The following NCAM2 variants were observed in gnomAD, a reference collection of about 807,000 sequenced individuals.
The protein encoded by NCAM2 is N-CAM-2.
NCAM2 carries 30 observed loss-of-function variants against 98.1 expected under a neutral mutation model. The observed-to-expected ratio is 0.31, with a 90% CI of 0.23 to 0.41. NCAM2 has a LOEUF of 0.41. Ranked by LOEUF, NCAM2 falls within the 10% of genes least tolerant of loss-of-function variation. The pLI is 1.00. For synonymous variants in NCAM2, 368 were observed against 342.4 expected, an observed-to-expected ratio of 1.07 and a Z score of -0.83; for missense variants, 867 against 1,005.8, an observed-to-expected ratio of 0.86 and a Z score of 1.87.
At chr21:21,480,400 C>T (rs1250774982) in intron 15 of NCAM2, among the ~76,000 whole-genome samples, 1 of 141,484 alleles carries the variant, frequency 7.1e-6, no homozygotes, top group East Asian at 2.0e-4. Context: ...ATAACTGCAA[C>T]TAAGAGAGAT....
intron 1 of NCAM2, among the ~76,000 whole-genome samples, chr21:21,250,438 C>A (rs1246308511): frequency 6.6e-6 from 1 of 152,124 alleles, no homozygotes; most frequent in Non-Finnish European, 1.5e-5. Context: ...ATGGACAGAG[C>A]ATTTCGAGGA....
At chr21:21,037,076 G>T (rs910700621) in intron 1 of NCAM2, among the ~76,000 whole-genome samples, 5 of 152,046 alleles carry the variant, frequency 3.3e-5, no homozygotes, top group Non-Finnish European at 5.9e-5. Context: ...TGTCACCTAG[G>T]CTGGAGTGCA....
rs372256118 is a variant in NCAM2 at position 21,116,088 on chromosome 21, A to G, written c.55+117470A>G. 3.3e-4 allele frequency among the ~76,000 whole-genome samples: 50 copies of G among 152,070 alleles called. No homozygotes were observed. The South Asian group carries it at 0.01, about 31-fold the overall frequency. ...TTTTTCTAAGTCACCTTGTTTGCAC[A>G]TAGATGTACAGTTCCAGACATCATA... is the stretch of plus-strand genomic sequence containing the variant. On this transcript the variant is annotated intron_variant, in intron 1 of 17. Transcript: ENST00000400546.
intron 8 of NCAM2, among the ~76,000 whole-genome samples, chr21:21,348,333 A>C (rs2075243825): frequency 6.6e-6 from 1 of 152,100 alleles, no homozygotes; most frequent in Non-Finnish European, 1.5e-5. Flanking sequence ...TGTGAAAAAT[A>C]AAAAATATCC....
chr21:21,459,856 G>T (rs1225342679), intron 12 of NCAM2, among the ~76,000 whole-genome samples: 2 of 151,650 alleles, frequency 1.3e-5, no homozygotes, highest in Non-Finnish European at 2.9e-5. Flanking sequence ...GATACATATG[G>T]ATATGTGCTA....
intron 1 of NCAM2, among the ~76,000 whole-genome samples, chr21:21,233,342 A>T (rs2070701405): frequency 6.6e-6 from 1 of 151,576 alleles, no homozygotes; most frequent in Non-Finnish European, 1.5e-5. Context: ...CATTTTTCTC[A>T]GTTTATGTCA....
intron 1 of NCAM2, among the ~76,000 whole-genome samples, chr21:21,005,718 T>C (rs2064098537): frequency 6.6e-6 from 1 of 152,028 alleles, no homozygotes; most frequent in Non-Finnish European, 1.5e-5. Flanking sequence ...ATATTCTTCA[T>C]TTAAGTCAGC....
At chr21:21,216,574 G>A (rs572190293) in intron 1 of NCAM2, among the ~76,000 whole-genome samples, 3 of 152,306 alleles carry the variant, frequency 2.0e-5, no homozygotes, top group Admixed American at 1.3e-4. Flanking sequence ...TGCCCCAGTA[G>A]CATTACTGTG....
At chr21:21,267,856 A>C (rs2072345985) in intron 1 of NCAM2, among the ~76,000 whole-genome samples, 1 of 152,170 alleles carries the variant, frequency 6.6e-6, no homozygotes, top group Admixed American at 6.6e-5. Context: ...CTAAAGACAG[A>C]AAGTTTGTTT....
chr21:21,210,822 G>T, intron 1 of NCAM2: 1 of 307,898 alleles, frequency 3.2e-6, no homozygotes, highest in Non-Finnish European at 5.7e-6. Context: ...AGTTCAAAGG[G>T]ATACTTTGAT....
At chr21:21,160,716 A>G (rs2067757690) in intron 1 of NCAM2, among the ~76,000 whole-genome samples, 1 of 152,028 alleles carries the variant, frequency 6.6e-6, no homozygotes, top group Admixed American at 6.6e-5. Flanking sequence ...GTATGGTAAA[A>G]TTTCTAGGAC....
rs545086862 is a variant in NCAM2, at chr21:21,283,761, A to G, written c.131-433A>G. Among the ~76,000 whole-genome samples the G allele has an allele frequency of 2.0e-5, 3 of 152,082 alleles. No homozygotes were observed. The South Asian group carries it at 6.2e-4, about 31-fold the overall frequency. On this transcript the variant is annotated intron_variant, in intron 2 of 17. Transcript: ENST00000400546. ...CGACATTTTCAGAGATTTAAGTGCT[A>G]TCTCCTGACCCTAGCAAAGACCACT...
chr21:21,335,607 C>T lies in NCAM2; in HGVS notation c.840C>T (p.Val280=), dbSNP rs753920423. Residue 280 remains valine (V), a synonymous_variant, in exon 7 of 18, where the codon GTC becomes GTT. Coordinates refer to ENST00000400546, the MANE Select transcript of NCAM2 (RefSeq NM_004540.5). ...NIINSDGGPY[V]CRATNKAGED... Reference sequence around the variant, plus strand: ...TCAATAGTGATGGTGGTCCTTATGTCTGCAGGGCCACAAATAAGGCAGGAG... The same window carrying T: ...TCAATAGTGATGGTGGTCCTTATGTTTGCAGGGCCACAAATAAGGCAGGAG... The T allele has an allele frequency of 6.2e-7, 1 of 1,611,372 alleles. No individual in the cohort carries two copies.
At chr21:21,028,781 T>C (rs141043431) in intron 1 of NCAM2, among the ~76,000 whole-genome samples, 33 of 152,310 alleles carry the variant, frequency 2.2e-4, no homozygotes, top group African/African-American at 7.2e-4. Flanking sequence ...AGTGTTTCCA[T>C]ATGAAGAATC....
rs1246671389 is a variant in NCAM2, at chr21:21,322,445, A to T, written c.620-1938A>T. On this transcript the variant is annotated intron_variant, in intron 5 of 17. Transcript: ENST00000400546. ...AACAAACCTGTCCATATGTCCCCTG[A>T]ATCCAAAAAAAGAAAACGTAAAAAG... Among the ~76,000 whole-genome samples, 4 of 152,306 alleles carry T rather than the reference A, an allele frequency of 2.6e-5. No individual in the cohort carries two copies. In the East Asian group the frequency reaches 7.7e-4, roughly 29 times the overall value.
intron 1 of NCAM2, among the ~76,000 whole-genome samples, chr21:21,052,882 A>T (rs2065139949): frequency 6.6e-6 from 1 of 152,184 alleles, no homozygotes; most frequent in African/African-American, 2.4e-5. Flanking sequence ...TCCTCTTAAA[A>T]AATTTAGAGT....
chr21:21,145,808 C>A (rs1001043652), intron 1 of NCAM2, among the ~76,000 whole-genome samples: 1 of 152,042 alleles, frequency 6.6e-6, no homozygotes, highest in Non-Finnish European at 1.5e-5. Context: ...TATTTATAAT[C>A]CATGGATTTA....
intron 1 of NCAM2, among the ~76,000 whole-genome samples, chr21:21,239,060 G>A (rs1159693872): frequency 6.6e-6 from 1 of 151,994 alleles, no homozygotes; most frequent in Non-Finnish European, 1.5e-5. Flanking sequence ...AACGGGGGGT[G>A]GGGTTGACAT....
intron 1 of NCAM2, among the ~76,000 whole-genome samples, chr21:21,009,605 A>G (rs1249463475): frequency 6.6e-6 from 1 of 152,052 alleles, no homozygotes; most frequent in Non-Finnish European, 1.5e-5. Context: ...TGATAAAGGT[A>G]TAATTAACTA....
Sources: allele counts gnomAD v4.1 joint callset (sites outside exome capture counted in the v4.1 genomes callset), GRCh38; gene constraint gnomAD v4.1.1; transcripts MANE v1.5; gene names NCBI Gene and HGNC (gene_info 2026-07-23, HGNC 2026-07-21).